The following G3BP1 variants were observed in gnomAD, a reference collection of about 807,000 sequenced individuals.
G3BP1 encodes ras GTPase-activating protein-binding protein 1.
In G3BP1, 35 loss-of-function variants were observed where a neutral mutation model predicts 58.6. The observed-to-expected ratio is 0.60, with a 90% CI of 0.46 to 0.79. The LOEUF (loss-of-function observed/expected upper bound fraction) is 0.79, where lower values mean the gene tolerates loss of function less well. Among genes scored for constraint, G3BP1 ranks in the 30% least tolerant of loss-of-function variants. G3BP1 has a pLI of 0.00. For synonymous variants in G3BP1, 191 were observed against 195.4 expected (o/e 0.98, Z 0.19); for missense variants, 523 against 580.8 (o/e 0.90, Z 1.02).
chr5:151,802,101 G>A (rs1214874200), intron 11 of G3BP1, among the ~76,000 whole-genome samples: 3 of 152,206 alleles, frequency 2.0e-5, no homozygotes, highest in Admixed American at 6.5e-5. Context: ...ATAGGTGCGA[G>A]CCAATGCACC....
At chr5:151,776,809 CTCTTG>C (rs1486252009) in intron 1 of G3BP1, among the ~76,000 whole-genome samples, 1 of 151,318 alleles carries the variant, frequency 6.6e-6, no homozygotes, top group East Asian at 1.9e-4. Context: ...TCAAGCAATC[CTCTTG>C]TCTTGGCCTC....
chr5:151,800,065 G>A (rs1762824785), intron 9 of G3BP1, 65 bp downstream of exon 9: 4 of 1,207,252 alleles, frequency 3.3e-6, no homozygotes, highest in Non-Finnish European at 4.8e-6. Context: ...TTTTGGGAGG[G>A]CAGTTGATAT....
At position 151,807,132 on chromosome 5, in the gene G3BP1, T is replaced by C. The variant is rs1299554612; in HGVS notation, c.*3041T>C. Reference sequence around the variant, plus strand: ...GAGATAGATAATCCAAAAATAATAATTTGACTTTGGTTGAGTATGTCATTA... The same window carrying C: ...GAGATAGATAATCCAAAAATAATAACTTGACTTTGGTTGAGTATGTCATTA... On this transcript the variant is annotated 3_prime_UTR_variant, in exon 12 of 12. Transcript: ENST00000356245. The C allele has an allele frequency of 6.6e-6, 1 of 152,226 alleles. No individual in the cohort carries two copies. The highest frequency in any genetic ancestry group is 1.5e-5 in the Non-Finnish European group (1 of 68,040). 9.4% of individuals were successfully genotyped at this position (152,226 alleles called of 1,614,324 possible).
At chr5:151,792,094 T>A (rs963845246) in intron 4 of G3BP1, 2 of 456,212 alleles carry the variant, frequency 4.4e-6, no homozygotes, top group African/African-American at 4.0e-5. Context: ...AATCAGCTGT[T>A]CCTTCAAGGA....
chr5:151,789,681 G>A (rs1439011160), intron 2 of G3BP1, among the ~76,000 whole-genome samples: 2 of 152,208 alleles, frequency 1.3e-5, no homozygotes, highest in African/African-American at 2.4e-5. Flanking sequence ...AGCTGTTCCA[G>A]CCTTACCGCA....
At chr5:151,799,175 CT>C (rs757923535) in intron 7 of G3BP1, 36 bp from the exon 8 acceptor site, 30 of 971,654 alleles carry the variant, frequency 3.1e-5, no homozygotes, top group Admixed American at 3.0e-4. Context: ...GTTTTGATAC[CT>C]GGTATAATTA....
chr5:151,774,127 C>G (rs906201279), intron 1 of G3BP1, among the ~76,000 whole-genome samples: 5 of 152,158 alleles, frequency 3.3e-5, no homozygotes, highest in African/African-American at 1.2e-4. Flanking sequence ...GCAAGGCTGC[C>G]CTACATCCCT....
chr5:151,786,467 T>G (rs1317603859), intron 1 of G3BP1, 105 bp from the exon 2 acceptor site: 2 of 644,976 alleles, frequency 3.1e-6, no homozygotes, highest in Non-Finnish European at 5.7e-6. Flanking sequence ...TCTGTTTGTT[T>G]TTATGATGTT....
intron 2 of G3BP1, 93 bp from the exon 3 acceptor site, chr5:151,790,230 C>CAAA (rs372889235): frequency 7.8e-5 from 33 of 425,120 alleles, no homozygotes; most frequent in Admixed American, 1.3e-4. Flanking sequence ...GACCCCGTTG[C>CAAA]AAAAAAAAAA....
intron 1 of G3BP1, among the ~76,000 whole-genome samples, chr5:151,783,410 ATT>A (rs141266723): frequency 1.4e-5 from 2 of 146,084 alleles, no homozygotes; most frequent in Admixed American, 6.9e-5. Flanking sequence ...AAATAAACAG[ATT>A]TTTTTTTTTT....
At chr5:151,775,688 A>T (rs1762358203) in intron 1 of G3BP1, among the ~76,000 whole-genome samples, 1 of 152,242 alleles carries the variant, frequency 6.6e-6, no homozygotes, top group Non-Finnish European at 1.5e-5. Flanking sequence ...CTGTTTAAGA[A>T]TTTTGCGGAT....
chr5:151,800,916 G>C, intron 11 of G3BP1, 47 bp downstream of exon 11: 1 of 923,120 alleles, frequency 1.1e-6, no homozygotes, highest in Non-Finnish European at 1.7e-6. Flanking sequence ...TTTAAAAAGG[G>C]TTTTGGTTCT....
At chr5:151,793,401 G>GC (rs1301194333) in intron 4 of G3BP1, among the ~76,000 whole-genome samples, 1 of 152,206 alleles carries the variant, frequency 6.6e-6, no homozygotes, top group Non-Finnish European at 1.5e-5. Flanking sequence ...GAGCCACTGT[G>GC]CCCATCCGGG....
intron 1 of G3BP1, among the ~76,000 whole-genome samples, chr5:151,783,982 C>T (rs892499256): frequency 6.6e-6 from 1 of 152,096 alleles, no homozygotes; most frequent in Non-Finnish European, 1.5e-5. Flanking sequence ...AGGATGGTCT[C>T]GATCTCTTGA....
Position 151,790,878 on chromosome 5 carries a change from A to G in G3BP1, c.178-11A>G. On this transcript the variant is annotated splice_polypyrimidine_tract_variant and intron_variant, in intron 3 of 11. Transcript: ENST00000356245. ...TCAGTTGATTATTATTATTATTATT[A>G]TTTTTTTAAGGAAATCCACAGGAAA... is the stretch of plus-strand genomic sequence containing the variant. 6.9e-7 allele frequency: 1 copy of G among 1,448,206 alleles called. No homozygotes were observed. The highest frequency in any genetic ancestry group is 2.4e-5 in the East Asian group (1 of 41,952). The allele number at this position is 1,448,206 out of a possible 1,614,324, so 89.7% of individuals were successfully genotyped here. A position where few individuals can be genotyped will look rare whatever the true frequency, so the allele number is the denominator to read the frequency against.
intron 11 of G3BP1, among the ~76,000 whole-genome samples, chr5:151,801,086 A>G (rs1214938513): frequency 6.6e-6 from 1 of 152,170 alleles, no homozygotes; most frequent in African/African-American, 2.4e-5. Context: ...GAAAACATGA[A>G]TTATGAGAAT....
At chr5:151,786,341 AG>A (rs2113227484) in intron 1 of G3BP1, among the ~76,000 whole-genome samples, 1 of 152,252 alleles carries the variant, frequency 6.6e-6, no homozygotes, top group Non-Finnish European at 1.5e-5. Flanking sequence ...TATACCTTTG[AG>A]GTTCTTACGT....
chr5:151,789,226 T>C (rs1290886307), intron 2 of G3BP1, among the ~76,000 whole-genome samples: 4 of 152,062 alleles, frequency 2.6e-5, no homozygotes, highest in African/African-American at 9.7e-5. Flanking sequence ...GCGGATCACT[T>C]GAGGTCAGGA....
chr5:151,798,571 C>T (rs932370046), intron 7 of G3BP1, among the ~76,000 whole-genome samples: 3 of 152,072 alleles, frequency 2.0e-5, no homozygotes, highest in Admixed American at 1.3e-4. Context: ...GTAATTGAGT[C>T]GATGTTTGTA....
Sources: gnomAD v4.1 joint callset for allele counts (sites outside exome capture counted in the v4.1 genomes callset) on GRCh38, gnomAD v4.1.1 for gene constraint, MANE v1.5 for transcripts, NCBI Gene and HGNC (gene_info 2026-07-23, HGNC 2026-07-21) for gene names.